NKAIN3: variants seen among roughly 807,000 people sequenced by gnomAD.
NKAIN3 encodes sodium/potassium transporting ATPase interacting 3.
A neutral mutation model predicts 30.2 loss-of-function variants in NKAIN3; 25 were observed. The observed-to-expected ratio is 0.83, with a 90% CI of 0.60 to 1.16. NKAIN3 has a LOEUF of 1.16. Among genes scored for constraint, NKAIN3 ranks in the 50% most tolerant of loss-of-function variants. The probability of loss-of-function intolerance (pLI) is 0.00; values close to 1 mark genes in which losing one functional copy is unlikely to be tolerated. For missense variants in NKAIN3, 225 were observed against 254.1 expected (o/e 0.89, Z 0.78); for synonymous variants, 91 against 89.6 (o/e 1.02, Z -0.09).
chr8:62,980,486 G>A lies in NKAIN3; in HGVS notation c.*15079G>A, dbSNP rs934264756. 10 of 152,078 alleles carry A rather than the reference G, an allele frequency of 6.6e-5. No individual in the cohort carries two copies. Among genetic ancestry groups the A allele is most frequent in the African/African-American group, 2.4e-4 (10 of 41,398 alleles). 9.4% of individuals were successfully genotyped at this position (152,078 alleles called of 1,614,324 possible). A position where few individuals can be genotyped will look rare whatever the true frequency, so the allele number is the denominator to read the frequency against. On this transcript the variant is annotated 3_prime_UTR_variant, in exon 7 of 7. Transcript: ENST00000623646. Reference sequence around the variant, plus strand: ...ATAATGATAATACAAATAAGAGTACGACATACGTAAATGTTGATTAGCTTT... The same window carrying A: ...ATAATGATAATACAAATAAGAGTACAACATACGTAAATGTTGATTAGCTTT...
intron 3 of NKAIN3, among the ~76,000 whole-genome samples, chr8:62,687,566 A>G (rs1563516569): frequency 1.3e-5 from 2 of 152,142 alleles, no homozygotes; most frequent in South Asian, 4.1e-4. Flanking sequence ...GTTCTCTTGT[A>G]TTCCCAAGCC....
intron 1 of NKAIN3, among the ~76,000 whole-genome samples, chr8:62,462,342 T>C (rs1281346487): frequency 6.6e-6 from 1 of 152,190 alleles, no homozygotes; most frequent in Non-Finnish European, 1.5e-5. Context: ...CAAGCAGTAC[T>C]GAAGTCAAAC....
intron 4 of NKAIN3, among the ~76,000 whole-genome samples, chr8:62,881,805 C>T (rs916414423): frequency 2.0e-5 from 3 of 152,202 alleles, no homozygotes; most frequent in African/African-American, 7.2e-5. Flanking sequence ...TTCTAAGAAA[C>T]TGCCAAACTG....
chr8:62,774,649 T>C (rs1256433446), intron 4 of NKAIN3, among the ~76,000 whole-genome samples: 1 of 152,206 alleles, frequency 6.6e-6, no homozygotes, highest in African/African-American at 2.4e-5. Flanking sequence ...TTTCTCAGCA[T>C]AAATTGAACT....
chr8:62,512,046 C>T (rs540953922), intron 1 of NKAIN3, among the ~76,000 whole-genome samples: 1 of 152,246 alleles, frequency 6.6e-6, no homozygotes, highest in East Asian at 1.9e-4. Flanking sequence ...TGATACTTGG[C>T]ATGTCATAGG....
At chr8:62,642,743 A>G (rs879807529) in intron 3 of NKAIN3, among the ~76,000 whole-genome samples, 2 of 152,060 alleles carry the variant, frequency 1.3e-5, no homozygotes, top group African/African-American at 2.4e-5. Flanking sequence ...TACTTTGTCC[A>G]AAGTCGTGTT....
At chr8:62,797,444 A>C (rs563779655) in intron 4 of NKAIN3, among the ~76,000 whole-genome samples, 2 of 152,308 alleles carry the variant, frequency 1.3e-5, no homozygotes, top group South Asian at 4.1e-4. Flanking sequence ...TTGGGAAAAA[A>C]TGACTCATCC....
intron 1 of NKAIN3, among the ~76,000 whole-genome samples, chr8:62,320,956 A>T (rs1446828146): frequency 6.6e-6 from 1 of 152,094 alleles, no homozygotes; most frequent in Non-Finnish European, 1.5e-5. Flanking sequence ...TCTCCCTGTC[A>T]CTTTCAGGTA....
At chr8:62,642,006 C>T (rs1464739836) in intron 3 of NKAIN3, among the ~76,000 whole-genome samples, 1 of 151,918 alleles carries the variant, frequency 6.6e-6, no homozygotes, top group Non-Finnish European at 1.5e-5. Flanking sequence ...TGGGATGCAA[C>T]CTGCCAAGAG....
chr8:62,425,678 T>C (rs556471861), intron 1 of NKAIN3, among the ~76,000 whole-genome samples: 30 of 151,904 alleles, frequency 2.0e-4, no homozygotes, highest in Non-Finnish European at 3.8e-4. Context: ...CTTGTATATA[T>C]GCTGAGAGAG....
chr8:62,272,128 G>A (rs1371633564), intron 1 of NKAIN3, among the ~76,000 whole-genome samples: 1 of 152,188 alleles, frequency 6.6e-6, no homozygotes, highest in Non-Finnish European at 1.5e-5. Flanking sequence ...GAGGGAATAA[G>A]TGGATAGAAT....
At chr8:62,720,884 A>G (rs1192247165) in intron 3 of NKAIN3, among the ~76,000 whole-genome samples, 1 of 152,138 alleles carries the variant, frequency 6.6e-6, no homozygotes, top group African/African-American at 2.4e-5. Flanking sequence ...CTTTCACTTA[A>G]CTGTACTTTG....
intron 3 of NKAIN3, among the ~76,000 whole-genome samples, chr8:62,625,674 A>T (rs1048870705): frequency 4.6e-5 from 7 of 152,150 alleles, no homozygotes; most frequent in Non-Finnish European, 1.0e-4. Context: ...CACTACAGGT[A>T]ATACTTCAAT....
chr8:62,600,365 G>A (rs1434780916), intron 3 of NKAIN3, among the ~76,000 whole-genome samples: 2 of 151,932 alleles, frequency 1.3e-5, no homozygotes, highest in Admixed American at 6.6e-5. Context: ...TATAGGCAGG[G>A]GACAGGGGAG....
intron 1 of NKAIN3, among the ~76,000 whole-genome samples, chr8:62,435,460 T>A (rs1805140230): frequency 6.6e-6 from 1 of 151,962 alleles, no homozygotes; most frequent in Non-Finnish European, 1.5e-5. Flanking sequence ...AATAAAAAGA[T>A]GTAATCTACT....
intron 1 of NKAIN3, among the ~76,000 whole-genome samples, chr8:62,255,271 G>A (rs78366879): frequency 0.014 from 2,206 of 152,266 alleles, 49 homozygotes; most frequent in African/African-American, 0.048. Context: ...CAATTGGGAC[G>A]CTTTGGGGAA....
At chr8:62,926,783 T>C (rs2130866653) in intron 5 of NKAIN3, among the ~76,000 whole-genome samples, 1 of 152,286 alleles carries the variant, frequency 6.6e-6, no homozygotes, top group East Asian at 1.9e-4. Flanking sequence ...AGGCTCTCTA[T>C]CTGTCAGATC....
At chr8:62,570,603 A>G (rs1171124832) in intron 1 of NKAIN3, among the ~76,000 whole-genome samples, 1 of 152,228 alleles carries the variant, frequency 6.6e-6, no homozygotes, top group South Asian at 2.1e-4. Flanking sequence ...CTATTACGAG[A>G]ACAGCACAAG....
intron 5 of NKAIN3, among the ~76,000 whole-genome samples, chr8:62,933,114 C>A (rs890625867): frequency 6.6e-6 from 1 of 151,924 alleles, no homozygotes; most frequent in African/African-American, 2.4e-5. Flanking sequence ...TGATGTGGAG[C>A]AGTGAATGGA....
Sources: allele counts gnomAD v4.1 joint callset (sites outside exome capture counted in the v4.1 genomes callset), GRCh38; gene constraint gnomAD v4.1.1; transcripts MANE v1.5; gene names NCBI Gene and HGNC (gene_info 2026-07-23, HGNC 2026-07-21).